Variants in DST observed in about 807,000 individuals in gnomAD.
The protein encoded by DST is bullous pemphigoid antigen.
A neutral mutation model predicts 875.2 loss-of-function variants in DST; 253 were observed. The ratio of observed to expected loss-of-function variants is 0.29; its 90% confidence interval spans 0.26 to 0.32. DST has a LOEUF of 0.32. Ranked by LOEUF, DST falls within the 10% of genes least tolerant of loss-of-function variation. DST has a pLI of 1.00. For synonymous variants in DST, 3,124 were observed against 3,197.1 expected (o/e 0.98, Z 0.77); for missense variants, 8,287 against 9,111.6 (o/e 0.91, Z 3.68).
chr6:56,756,593 A>G (rs1032509742), intron 4 of DST, among the ~76,000 whole-genome samples: 1 of 152,206 alleles, frequency 6.6e-6, no homozygotes, highest in Admixed American at 6.5e-5. Context: ...CCAGAAATGC[A>G]AGGTTGCAAA....
At chr6:56,480,045 G>A (rs73749931) in intron 90 of DST, among the ~76,000 whole-genome samples, 43 of 152,144 alleles carry the variant, frequency 2.8e-4, no homozygotes, top group African/African-American at 8.9e-4. Context: ...TAGACTGTTC[G>A]GTCCACAAGA....
chr6:56,468,836 C>T (rs545688916), intron 98 of DST, 146 bp downstream of exon 98: 2 of 578,188 alleles, frequency 3.5e-6, no homozygotes, highest in Non-Finnish European at 6.0e-6. Flanking sequence ...ACCCTTATAG[C>T]GTTTACAGAA....
chr6:56,568,349 C>G, intron 55 of DST, 120 bp downstream of exon 55: 1 of 1,084,712 alleles, frequency 9.2e-7, no homozygotes, highest in Non-Finnish European at 1.3e-6. Context: ...TGTTTCTTGT[C>G]ACTTTCACTT....
At chr6:56,491,601 T>C (rs1160077078) in intron 85 of DST, among the ~76,000 whole-genome samples, 1 of 152,078 alleles carries the variant, frequency 6.6e-6, no homozygotes, top group Non-Finnish European at 1.5e-5. Flanking sequence ...AATCTCTAGA[T>C]TAAAATTTTA....
At chr6:56,595,373 C>G (rs998141812) in intron 47 of DST, among the ~76,000 whole-genome samples, 1 of 152,020 alleles carries the variant, frequency 6.6e-6, no homozygotes, top group Non-Finnish European at 1.5e-5. Context: ...CACTCAACCA[C>G]CCTTACCTAA....
chr6:56,765,168 C>G (rs555685816), intron 4 of DST, among the ~76,000 whole-genome samples: 1 of 152,282 alleles, frequency 6.6e-6, no homozygotes, highest in South Asian at 2.1e-4. Context: ...ACCCCATAAC[C>G]TGTAGATTCT....
intron 4 of DST, among the ~76,000 whole-genome samples, chr6:56,835,640 C>G (rs891980393): frequency 6.6e-6 from 1 of 152,170 alleles, no homozygotes; most frequent in African/African-American, 2.4e-5. Flanking sequence ...TCCATATGCC[C>G]TATTTTATCC....
Position 56,935,874 on chromosome 6 carries a change from G to A in DST, c.216+17911C>T, listed in dbSNP as rs542806778. On this transcript the variant is annotated intron_variant, in intron 2 of 103. Coordinates refer to ENST00000680361, the MANE Select transcript of DST (RefSeq NM_001374736.1). ...CGGGAGGCAGAGGTTGCAGTGAGCC[G>A]AGATCACACCACTGCACTCCAGCCT... Among the ~76,000 whole-genome samples, 25 of 151,476 alleles carry A rather than the reference G, an allele frequency of 1.7e-4. No homozygotes were observed. The East Asian group carries it at 4.1e-3, about 25-fold the overall frequency.
At chr6:56,741,393 G>A (rs143798954) in intron 4 of DST, among the ~76,000 whole-genome samples, 1 of 152,110 alleles carries the variant, frequency 6.6e-6, no homozygotes, top group Non-Finnish European at 1.5e-5. Flanking sequence ...TTTCTAACAG[G>A]AACAACCTAA....
intron 9 of DST, among the ~76,000 whole-genome samples, chr6:56,679,626 C>G (rs1323198006): frequency 6.8e-6 from 1 of 146,854 alleles, no homozygotes; most frequent in African/African-American, 2.6e-5. Flanking sequence ...AAAAAATTAG[C>G]TGGGTACAGT....
Position 56,548,061 on chromosome 6 carries a change from G to A in DST, c.16608+4123C>T, listed in dbSNP as rs142911288. On this transcript the variant is annotated intron_variant, in intron 61 of 103. Transcript: ENST00000680361. ...AACTGTAAGCAGGTTCTGAGGTAAG[G>A]CATTTTTTCACAATGGTCTAGATCA... is the stretch of plus-strand genomic sequence containing the variant. Among the ~76,000 whole-genome samples, 413 of 152,296 alleles carry A rather than the reference G, an allele frequency of 2.7e-3. 2 individuals are homozygous for A. Among genetic ancestry groups the A allele is most frequent in the African/African-American group, 8.8e-3 (366 of 41,556 alleles).
At chr6:56,878,138 T>C (rs1780353888) in intron 3 of DST, among the ~76,000 whole-genome samples, 1 of 152,174 alleles carries the variant, frequency 6.6e-6, no homozygotes. Flanking sequence ...TAGAGCAACA[T>C]GAGCCCATCA....
chr6:56,519,769 C>A (rs1386299150), intron 69 of DST, among the ~76,000 whole-genome samples: 1 of 152,164 alleles, frequency 6.6e-6, no homozygotes, highest in Non-Finnish European at 1.5e-5. Context: ...CCCCCACCTT[C>A]TGCCAGAGTG....
intron 78 of DST, among the ~76,000 whole-genome samples, chr6:56,502,696 T>A (rs2096175768): frequency 6.6e-6 from 1 of 152,082 alleles, no homozygotes; most frequent in Non-Finnish European, 1.5e-5. Context: ...ATAAAGTATA[T>A]CATATGTTTG....
intron 36 of DST, chr6:56,617,435 T>C (rs1356551972): frequency 1.9e-6 from 3 of 1,593,656 alleles, no homozygotes; most frequent in South Asian, 1.1e-5. Context: ...CAGGAATTTA[T>C]AAAATGTTAA....
At chr6:56,780,456 T>C (rs1164083167) in intron 4 of DST, among the ~76,000 whole-genome samples, 2 of 151,568 alleles carry the variant, frequency 1.3e-5, no homozygotes, top group Non-Finnish European at 2.9e-5. Flanking sequence ...TGGTTTTGAT[T>C]TGCATTTCTC....
chr6:56,815,661 T>A (rs2099765642), intron 4 of DST, among the ~76,000 whole-genome samples: 1 of 152,170 alleles, frequency 6.6e-6, no homozygotes, highest in African/African-American at 2.4e-5. Flanking sequence ...AGTTCAGAGC[T>A]TGAGCCATTT....
intron 63 of DST, 69 bp downstream of exon 63, chr6:56,535,053 C>G: frequency 6.4e-7 from 1 of 1,559,176 alleles, no homozygotes; most frequent in Non-Finnish European, 8.8e-7. Flanking sequence ...AAAAGAGTCA[C>G]AATTTGCATT....
At chr6:56,764,543 C>A (rs2099627810) in intron 4 of DST, among the ~76,000 whole-genome samples, 1 of 152,150 alleles carries the variant, frequency 6.6e-6, no homozygotes, top group Admixed American at 6.5e-5. Flanking sequence ...AACTTGAGAG[C>A]AATGACCTTG....
Sources: allele counts gnomAD v4.1 joint callset (sites outside exome capture counted in the v4.1 genomes callset), GRCh38; gene constraint gnomAD v4.1.1; transcripts MANE v1.5; gene names NCBI Gene and HGNC (gene_info 2026-07-23, HGNC 2026-07-21).